The following GLIS3 variants were observed in gnomAD, a reference collection of about 807,000 sequenced individuals.
The protein encoded by GLIS3 is zinc finger protein GLIS3.
GLIS3 carries 53 observed loss-of-function variants against 78.6 expected under a neutral mutation model. That is an observed-to-expected ratio of 0.67 (90% CI 0.54 to 0.85). GLIS3 has a LOEUF of 0.85. GLIS3 is among the 40% of genes least tolerant of loss of function. GLIS3 has a pLI of 0.00. For missense variants in GLIS3, 1,703 were observed against 1,231.1 expected (o/e 1.38, Z -5.74); for synonymous variants, 684 against 509.9 (o/e 1.34, Z -4.60).
At chr9:3,899,072 C>T in intron 6 of GLIS3, 5 of 563,156 alleles carry the variant, frequency 8.9e-6, no homozygotes, top group Non-Finnish European at 1.6e-5. Context: ...GACTTCAGTC[C>T]TTGATATTTC....
chr9:3,949,619 C>G (rs929457962), intron 4 of GLIS3, among the ~76,000 whole-genome samples: 4 of 152,192 alleles, frequency 2.6e-5, no homozygotes, highest in African/African-American at 9.7e-5. Flanking sequence ...ACTTAGCTTA[C>G]CTTTTCTTCA....
intron 2 of GLIS3, among the ~76,000 whole-genome samples, chr9:4,331,354 C>A (rs1817682174): frequency 6.6e-6 from 1 of 151,784 alleles, no homozygotes. Context: ...ACACTTTTAT[C>A]CACTACAACC....
chr9:3,995,210 T>G (rs112150363), intron 4 of GLIS3, among the ~76,000 whole-genome samples: 120 of 152,244 alleles, frequency 7.9e-4, no homozygotes, highest in African/African-American at 2.7e-3. Context: ...TCTTAAGGAT[T>G]TTTAACCAGA....
In GLIS3 at chr9:4,231,109, A is replaced by ATAGT. The variant is rs1554628249; in HGVS notation, c.388+54928_388+54929insACTA. Reference sequence around the variant, plus strand: ...ATAAAATAAGATAAATATGTTCAGGATAATGAGATGAATAAAGAAGCATCC... The same window carrying ATAGT: ...ATAAAATAAGATAAATATGTTCAGGATAGTTAATGAGATGAATAAAGAAGCATCC... On this transcript the variant is annotated intron_variant, in intron 2 of 10. Transcript: ENST00000381971. Among the ~76,000 whole-genome samples the ATAGT allele has an allele frequency of 5.3e-5, 8 of 152,228 alleles. No homozygotes were observed. The South Asian group carries it at 1.2e-3, about 24-fold the overall frequency.
In GLIS3 at chr9:4,074,154, G is replaced by C. The variant is rs542110058; in HGVS notation, c.1710+43614C>G. ...TTAGTCTTCTTGCTAATTTATTGTTGAGCTAGCTCCAGCCTAGGGATGGTC... is the reference window on the plus strand; with the variant it reads ...TTAGTCTTCTTGCTAATTTATTGTTCAGCTAGCTCCAGCCTAGGGATGGTC... On this transcript the variant is annotated intron_variant, in intron 4 of 10. Coordinates refer to ENST00000381971, the MANE Select transcript of GLIS3 (RefSeq NM_001042413.2). Among the ~76,000 whole-genome samples the C allele has an allele frequency of 2.6e-4, 39 of 152,204 alleles. No homozygotes were observed. The South Asian group carries it at 7.7e-3, about 30-fold the overall frequency.
At chr9:3,990,922 C>G (rs909737513) in intron 4 of GLIS3, among the ~76,000 whole-genome samples, 1 of 152,144 alleles carries the variant, frequency 6.6e-6, no homozygotes, top group Non-Finnish European at 1.5e-5. Context: ...ACAGGCCTAA[C>G]CAACCAAGGG....
chr9:3,891,310 G>T (rs888579071), intron 7 of GLIS3, among the ~76,000 whole-genome samples: 2 of 152,166 alleles, frequency 1.3e-5, no homozygotes, highest in African/African-American at 4.8e-5. Flanking sequence ...TCGGGTTACA[G>T]GAAGAAGTGT....
At chr9:4,107,346 G>A (rs1306615374) in intron 4 of GLIS3, among the ~76,000 whole-genome samples, 1 of 152,078 alleles carries the variant, frequency 6.6e-6, no homozygotes, top group Non-Finnish European at 1.5e-5. Context: ...GTTAGTTGAG[G>A]TCATGTGACT....
the GLIS3 span, among the ~76,000 whole-genome samples, chr9:4,456,823 A>G: frequency 3.9e-5 from 6 of 152,222 alleles, no homozygotes; most frequent in Non-Finnish European, 7.3e-5. Context: ...CAGAACATAC[A>G]TATTTATCAA....
At chr9:4,326,646 C>CT (rs1262423625) in intron 2 of GLIS3, among the ~76,000 whole-genome samples, 1 of 152,062 alleles carries the variant, frequency 6.6e-6, no homozygotes, top group African/African-American at 2.4e-5. Context: ...CGTGAATGTT[C>CT]TTAACGTCAT....
At chr9:4,001,606 A>C (rs1821125670) in intron 4 of GLIS3, among the ~76,000 whole-genome samples, 2 of 152,222 alleles carry the variant, frequency 1.3e-5, no homozygotes, top group African/African-American at 4.8e-5. Context: ...AAAAGGAAAA[A>C]AATTCCCAAG....
At chr9:3,963,152 T>C (rs1003584415) in intron 4 of GLIS3, among the ~76,000 whole-genome samples, 1 of 152,202 alleles carries the variant, frequency 6.6e-6, no homozygotes, top group Non-Finnish European at 1.5e-5. Flanking sequence ...CAAATATTCA[T>C]GTTCTTTGAA....
intron 7 of GLIS3, among the ~76,000 whole-genome samples, chr9:3,884,640 A>C (rs886410270): frequency 2.0e-5 from 3 of 152,192 alleles, no homozygotes; most frequent in African/African-American, 7.2e-5. Flanking sequence ...TGGAATCAAT[A>C]GTTAAGACTT....
the GLIS3 span, among the ~76,000 whole-genome samples, chr9:4,433,278 A>G: frequency 2.0e-5 from 3 of 152,126 alleles, no homozygotes; most frequent in African/African-American, 4.8e-5. Flanking sequence ...CTAAAAATAC[A>G]AAGATTAGCT....
chr9:4,243,064 G>C lies in GLIS3; in HGVS notation c.388+42974C>G, dbSNP rs78757131. 2.2e-3 allele frequency among the ~76,000 whole-genome samples: 331 copies of C among 152,214 alleles called. 2 individuals are homozygous for C. The highest frequency in any genetic ancestry group is 7.8e-3 in the African/African-American group (323 of 41,516). ...CCATGATTAATCCTTCAACCACTTG[G>C]TTCTACATTAGAGATTCCAGCCTTG... On this transcript the variant is annotated intron_variant, in intron 2 of 10. Transcript: ENST00000381971.
At chr9:4,293,003 T>C (rs1331288891) in intron 1 of GLIS3, among the ~76,000 whole-genome samples, 1 of 152,182 alleles carries the variant, frequency 6.6e-6, no homozygotes, top group Non-Finnish European at 1.5e-5. Context: ...AAAGGCTTCT[T>C]CTTCAGAAGT....
In GLIS3 at chr9:4,287,970, C is replaced by A. The variant is rs935968324; in HGVS notation, c.-98-1447G>T. On this transcript the variant is annotated intron_variant, in intron 1 of 10. Transcript: ENST00000381971. ...CACTAAGAATGCCATCAGTTTGTGA[C>A]ATTTAATACTATCATGCCATCTAGT... Among the ~76,000 whole-genome samples the A allele has an allele frequency of 3.3e-5, 5 of 152,326 alleles. 1 individual carries two copies. The East Asian group carries it at 9.7e-4, about 29-fold the overall frequency.
the GLIS3 span, among the ~76,000 whole-genome samples, chr9:4,470,711 T>C: frequency 1.3e-5 from 2 of 151,850 alleles, no homozygotes; most frequent in Admixed American, 1.3e-4. Context: ...GGATGCCCTC[T>C]CTCACCACTC....
chr9:3,836,373 T>C (rs1488917251), intron 9 of GLIS3, among the ~76,000 whole-genome samples: 2 of 152,236 alleles, frequency 1.3e-5, no homozygotes, highest in Non-Finnish European at 2.9e-5. Context: ...GTTACTACTT[T>C]AGGAAGTGTA....
Sources: gnomAD v4.1 joint callset for allele counts (sites outside exome capture counted in the v4.1 genomes callset) on GRCh38, gnomAD v4.1.1 for gene constraint, MANE v1.5 for transcripts, NCBI Gene and HGNC (gene_info 2026-07-23, HGNC 2026-07-21) for gene names.